Variants in TMEM38B observed in about 807,000 individuals in gnomAD.
The protein encoded by TMEM38B is trimeric intracellular cation channel type B.
A neutral mutation model predicts 28.7 loss-of-function variants in TMEM38B; 24 were observed. The ratio of observed to expected loss-of-function variants is 0.84; its 90% CI spans 0.61 to 1.18. The LOEUF is 1.18. Among genes scored for constraint, TMEM38B ranks in the 50% most tolerant of loss-of-function variants. TMEM38B has a pLI of 0.00. For synonymous variants in TMEM38B, 131 were observed against 127.7 expected (o/e 1.03, Z -0.17); for missense variants, 380 against 350.9 (o/e 1.08, Z -0.66).
At chr9:105,702,630 T>C (rs1353841776) in intron 1 of TMEM38B, 1 of 152,144 alleles carries the variant, frequency 6.6e-6, no homozygotes, top group East Asian at 1.9e-4. Context: ...GGAAGTACAG[T>C]GTGACTTTAT....
intron 5 of TMEM38B, among the ~76,000 whole-genome samples, chr9:105,770,709 C>T (rs1445914855): frequency 6.6e-6 from 1 of 151,986 alleles, no homozygotes. Context: ...ATTTTAGGGC[C>T]AGGTGACTTT....
intron 4 of TMEM38B, among the ~76,000 whole-genome samples, chr9:105,747,684 G>A (rs192479644): frequency 6.6e-6 from 1 of 152,090 alleles, no homozygotes; most frequent in Non-Finnish European, 1.5e-5. Context: ...GTCAATTTTA[G>A]ATCTTTCCTG....
Position 105,698,334 on chromosome 9 carries a change from CAA to C in TMEM38B, c.112+3563_112+3564del, listed in dbSNP as rs1835355259. ...AATGAGAATGCTTTTAAAGTTTTCT[CAA>C]GAGTGATGTTTGCTATAGGTTTTTA... is the stretch of plus-strand genomic sequence containing the variant. On this transcript the variant is annotated intron_variant, in intron 1 of 5. Coordinates refer to ENST00000374692, the MANE Select transcript of TMEM38B (RefSeq NM_018112.3). 1.3e-5 allele frequency among the ~76,000 whole-genome samples: 2 copies of C among 152,078 alleles called. 1 individual carries two copies. The highest frequency in any genetic ancestry group is 4.1e-4 in the South Asian group (2 of 4,828).
At chr9:105,700,234 C>T (rs960727231) in intron 1 of TMEM38B, among the ~76,000 whole-genome samples, 6 of 152,150 alleles carry the variant, frequency 3.9e-5, no homozygotes, top group African/African-American at 1.4e-4. Context: ...ATGAAAGATG[C>T]TGTTATAGCC....
At chr9:105,747,524 A>AG (rs1837460438) in intron 4 of TMEM38B, among the ~76,000 whole-genome samples, 1 of 152,028 alleles carries the variant, frequency 6.6e-6, no homozygotes, top group Non-Finnish European at 1.5e-5. Flanking sequence ...TTTCAAAAAA[A>AG]CAGCTCCTGG....
intron 4 of TMEM38B, among the ~76,000 whole-genome samples, chr9:105,740,842 A>G (rs748517640): frequency 6.6e-6 from 1 of 152,222 alleles, no homozygotes; most frequent in Non-Finnish European, 1.5e-5. Flanking sequence ...ATTTCTGTTA[A>G]TGTGTCAGTA....
chr9:105,730,046 C>T lies in TMEM38B; in HGVS notation c.542+7425C>T, dbSNP rs10114130. ...AAACAGAGACAATTTGAATTCCTCT[C>T]TTCCTATTTGAATACGCTTTATTTC... is the stretch of plus-strand genomic sequence containing the variant. On this transcript the variant is annotated intron_variant, in intron 4 of 5. Transcript: ENST00000374692. 9.6e-3 allele frequency among the ~76,000 whole-genome samples: 1,459 copies of T among 152,208 alleles called. 21 individuals carry two copies. The highest frequency in any genetic ancestry group is 0.033 in the African/African-American group (1,381 of 41,532).
intron 4 of TMEM38B, among the ~76,000 whole-genome samples, chr9:105,733,751 G>A (rs1836862364): frequency 6.6e-6 from 1 of 151,646 alleles, no homozygotes; most frequent in Non-Finnish European, 1.5e-5. Flanking sequence ...CAGTTTGTTG[G>A]CATATAATTG....
chr9:105,717,495 TATTA>T (rs1286541664), intron 2 of TMEM38B, among the ~76,000 whole-genome samples: 1 of 152,236 alleles, frequency 6.6e-6, no homozygotes, highest in Non-Finnish European at 1.5e-5. Context: ...AATTATGGCA[TATTA>T]ATTCTGTTAC....
At chr9:105,734,135 C>G (rs1836879578) in intron 4 of TMEM38B, among the ~76,000 whole-genome samples, 1 of 151,942 alleles carries the variant, frequency 6.6e-6, no homozygotes, top group Non-Finnish European at 1.5e-5. Flanking sequence ...ATTGGTATAT[C>G]TTATTTCCAT....
At chr9:105,706,162 G>A (rs1237657456) in intron 2 of TMEM38B, among the ~76,000 whole-genome samples, 1 of 152,186 alleles carries the variant, frequency 6.6e-6, no homozygotes, top group African/African-American at 2.4e-5. Context: ...GCCTCCCAAA[G>A]TGCTGGGATT....
At chr9:105,745,983 G>A (rs981706604) in intron 4 of TMEM38B, among the ~76,000 whole-genome samples, 4 of 152,114 alleles carry the variant, frequency 2.6e-5, no homozygotes, top group Non-Finnish European at 4.4e-5. Flanking sequence ...GGTTACTGTA[G>A]CCTTGTAGTA....
Position 105,694,584 on chromosome 9 carries a change from C to G in TMEM38B, c.-77C>G, listed in dbSNP as rs908950851. ...GAGGAGCGGGCGGCCGCGGCTGTGC[C>G]CTCTCCTACTCCTCACCGCGCGAGC... On this transcript the variant is annotated 5_prime_UTR_variant, in exon 1 of 6. Transcript: ENST00000374692. 2.5e-6 allele frequency: 3 copies of G among 1,201,078 alleles called. No homozygotes were observed. The highest frequency in any genetic ancestry group is 3.6e-6 in the Non-Finnish European group (3 of 825,636). 74.4% of individuals were successfully genotyped at this position (1,201,078 alleles called of 1,614,324 possible).
At chr9:105,703,285 G>T (rs1268263753) in intron 1 of TMEM38B, among the ~76,000 whole-genome samples, 3 of 152,186 alleles carry the variant, frequency 2.0e-5, no homozygotes, top group Admixed American at 1.3e-4. Context: ...AGGAGTTCCA[G>T]ACCAGCGTGG....
chr9:105,720,258 T>C (rs1344087707), intron 2 of TMEM38B, among the ~76,000 whole-genome samples: 3 of 152,090 alleles, frequency 2.0e-5, no homozygotes, highest in Non-Finnish European at 4.4e-5. Flanking sequence ...TTCATCATGC[T>C]GAGTTTTAGG....
rs1564380507 is a variant in TMEM38B at position 105,694,693 on chromosome 9, C to T, written c.33C>T (p.Ala11=). 5 of 1,614,020 alleles carry T rather than the reference C, an allele frequency of 3.1e-6. No homozygotes were observed. Among genetic ancestry groups the T allele is most frequent in the South Asian group, 2.2e-5 (2 of 91,082 alleles). MDSPWDELAL[A]FSRTSMFPFF... ...CTCCATGGGACGAGTTGGCTCTGGC[C>T]TTCTCCCGCACGTCCATGTTTCCCT... The change falls in exon 1 of 6, where the codon GCC becomes GCT. Residue 11 remains alanine, a synonymous_variant. Coordinates refer to ENST00000374692, the MANE Select transcript of TMEM38B (RefSeq NM_018112.3).
intron 2 of TMEM38B, among the ~76,000 whole-genome samples, chr9:105,715,086 C>G (rs1836046333): frequency 6.6e-6 from 1 of 152,104 alleles, no homozygotes; most frequent in Non-Finnish European, 1.5e-5. Flanking sequence ...TTAATATATT[C>G]TAACATTACT....
chr9:105,769,307 T>C (rs1288777645), intron 5 of TMEM38B, among the ~76,000 whole-genome samples: 1 of 152,100 alleles, frequency 6.6e-6, no homozygotes, highest in African/African-American at 2.4e-5. Flanking sequence ...GGCACAAAAT[T>C]TTAAATTTGT....
At chr9:105,763,084 TG>T (rs879418050) in intron 5 of TMEM38B, among the ~76,000 whole-genome samples, 152 of 149,450 alleles carry the variant, frequency 1.0e-3, no homozygotes, top group Non-Finnish European at 1.8e-3. Context: ...TCATGTCCTT[TG>T]CCCACTTTTT....
Sources: gnomAD v4.1 joint callset for allele counts (sites outside exome capture counted in the v4.1 genomes callset) on GRCh38, gnomAD v4.1.1 for gene constraint, MANE v1.5 for transcripts, NCBI Gene and HGNC (gene_info 2026-07-23, HGNC 2026-07-21) for gene names.